The following NFX1 variants were observed in gnomAD, a reference collection of about 807,000 sequenced individuals.
NFX1 encodes nuclear transcription factor, X-box binding 1, also known as transcriptional repressor NF-X1.
In NFX1, 69 loss-of-function variants were observed where a neutral mutation model predicts 137.2. The observed-to-expected ratio is 0.50, with a 90% CI of 0.41 to 0.61. NFX1 has a LOEUF of 0.61. NFX1 is among the 20% of genes least tolerant of loss of function. The pLI is 0.00. For synonymous variants in NFX1, 495 were observed against 474.1 expected, an observed-to-expected ratio of 1.04 and a Z score of -0.57; for missense variants, 1,167 against 1,391.0, an observed-to-expected ratio of 0.84 and a Z score of 2.56.
intron 10 of NFX1, among the ~76,000 whole-genome samples, chr9:33,329,820 G>A (rs529352865): frequency 7.2e-5 from 11 of 151,962 alleles, no homozygotes; most frequent in Non-Finnish European, 1.2e-4. Context: ...CATCACACCC[G>A]GCTAATTTTT....
intron 19 of NFX1, among the ~76,000 whole-genome samples, chr9:33,359,408 G>A (rs1365153583): frequency 6.6e-6 from 1 of 152,044 alleles, no homozygotes; most frequent in African/African-American, 2.4e-5. Flanking sequence ...AGACCAGCCT[G>A]GTCAACATGG....
At chr9:33,361,292 C>G (rs886078745) in intron 19 of NFX1, among the ~76,000 whole-genome samples, 4 of 151,668 alleles carry the variant, frequency 2.6e-5, no homozygotes, top group African/African-American at 7.3e-5. Flanking sequence ...GGCAAAGAAA[C>G]AAGGTTTTTT....
intron 19 of NFX1, 120 bp from the exon 20 acceptor site, chr9:33,363,890 G>A: frequency 1.8e-6 from 1 of 554,358 alleles, no homozygotes; most frequent in Non-Finnish European, 3.0e-6. Context: ...TAATAATCCA[G>A]TTTACCAAAA....
At chr9:33,317,431 A>G (rs1456996976) in intron 7 of NFX1, among the ~76,000 whole-genome samples, 2 of 150,080 alleles carry the variant, frequency 1.3e-5, no homozygotes, top group Non-Finnish European at 3.0e-5. Flanking sequence ...AAAAAAAAAA[A>G]AAAAGAAAGA....
intron 9 of NFX1, among the ~76,000 whole-genome samples, chr9:33,324,102 G>C (rs1036879113): frequency 6.6e-6 from 1 of 152,120 alleles, no homozygotes; most frequent in Non-Finnish European, 1.5e-5. Context: ...ACTTAGGCCA[G>C]GCACAGTGGC....
intron 19 of NFX1, among the ~76,000 whole-genome samples, chr9:33,359,043 C>T (rs959987653): frequency 5.9e-5 from 9 of 152,012 alleles, no homozygotes; most frequent in African/African-American, 2.2e-4. Context: ...TTTAGAAATA[C>T]AATTGATAAT....
chr9:33,362,821 A>G (rs547920389), intron 19 of NFX1, among the ~76,000 whole-genome samples: 11 of 144,914 alleles, frequency 7.6e-5, no homozygotes, highest in Admixed American at 5.2e-4. Context: ...CTCCTGCCCC[A>G]GCCTCCTGAG....
chr9:33,335,368 T>C (rs1187636178), intron 11 of NFX1, among the ~76,000 whole-genome samples: 1 of 151,700 alleles, frequency 6.6e-6, no homozygotes, highest in Non-Finnish European at 1.5e-5. Flanking sequence ...GTAGCTGGAA[T>C]TACAGGCACC....
At chr9:33,369,862 C>T (rs1419654526) in intron 23 of NFX1, 44 bp from the exon 24 acceptor site, 3 of 1,412,358 alleles carry the variant, frequency 2.1e-6, no homozygotes, top group East Asian at 4.6e-5. Flanking sequence ...GTATCTGTTT[C>T]CCCCAAAGAA....
intron 12 of NFX1, 21 bp downstream of exon 12, chr9:33,338,610 T>A: frequency 1.3e-6 from 2 of 1,563,780 alleles, no homozygotes; most frequent in Non-Finnish European, 8.6e-7. Context: ...TTATTAGGCA[T>A]AATCAGATTC....
At chr9:33,362,867 C>A (rs998936129) in intron 19 of NFX1, among the ~76,000 whole-genome samples, 2 of 151,920 alleles carry the variant, frequency 1.3e-5, no homozygotes, top group Admixed American at 6.6e-5. Context: ...CCACACCTGA[C>A]TAATTTTTGT....
At chr9:33,331,106 C>T (rs1043489414) in intron 10 of NFX1, among the ~76,000 whole-genome samples, 4 of 151,912 alleles carry the variant, frequency 2.6e-5, no homozygotes, top group African/African-American at 9.7e-5. Context: ...GTGGAGCTTG[C>T]AGTGAACCGA....
In NFX1 at chr9:33,370,113, A is replaced by G; in HGVS notation, c.*135A>G. The G allele has an allele frequency of 1.6e-6, 1 of 641,146 alleles. No individual in the cohort carries two copies. The highest frequency in any genetic ancestry group is 2.7e-6 in the Non-Finnish European group (1 of 368,946). The allele number at this position is 641,146 out of a possible 1,614,324, so 39.7% of individuals were successfully genotyped here. A position where few individuals can be genotyped will look rare whatever the true frequency, so the allele number is the denominator to read the frequency against. ...ATACTGTCTTGTACTGACACATCCA[A>G]AGCATGAGTGTGTCAGAAATCCCTT... On this transcript the variant is annotated 3_prime_UTR_variant, in exon 24 of 24. Coordinates refer to ENST00000379540, the MANE Select transcript of NFX1 (RefSeq NM_002504.6).
At chr9:33,320,893 C>A (rs1313009404) in intron 9 of NFX1, among the ~76,000 whole-genome samples, 1 of 152,110 alleles carries the variant, frequency 6.6e-6, no homozygotes, top group African/African-American at 2.4e-5. Context: ...AGTGGGAACA[C>A]CCTACTTAAT....
In NFX1 at chr9:33,311,139, T is replaced by G. The variant is rs1345806804; in HGVS notation, c.1410T>G (p.Pro470=). ...ATCCAGGACCCTGCCCACCCTGCCC[T>G]GCCTTTATGACAAAAACATGTGAAT... The part of the protein sequence containing the change: ...LCHPGPCPPC[P]AFMTKTCECG... Residue 470 remains proline (P), a synonymous_variant, in exon 6 of 24, where the codon CCT becomes CCG. Transcript: ENST00000379540. The G allele has an allele frequency of 2.5e-6, 4 of 1,609,748 alleles. No homozygotes were observed. In the South Asian group the frequency reaches 4.4e-5, roughly 18 times the overall value.
intron 19 of NFX1, among the ~76,000 whole-genome samples, chr9:33,358,237 G>A (rs1823876654): frequency 6.6e-6 from 1 of 151,622 alleles, no homozygotes; most frequent in Non-Finnish European, 1.5e-5. Context: ...CCATTCTCCT[G>A]CCTCAGCGTC....
intron 13 of NFX1, among the ~76,000 whole-genome samples, chr9:33,343,362 T>A (rs1295385174): frequency 6.6e-6 from 1 of 152,166 alleles, no homozygotes; most frequent in East Asian, 1.9e-4. Flanking sequence ...AAAATTTTTT[T>A]AAATAACTTT....
intron 9 of NFX1, among the ~76,000 whole-genome samples, chr9:33,322,964 A>G (rs773558836): frequency 2.6e-5 from 4 of 152,234 alleles, no homozygotes; most frequent in East Asian, 1.9e-4. Context: ...AGCAAAGACT[A>G]TTCCTTCCCA....
At chr9:33,329,941 GCACCAC>G (rs1223582685) in intron 10 of NFX1, among the ~76,000 whole-genome samples, 3 of 152,022 alleles carry the variant, frequency 2.0e-5, no homozygotes, top group African/African-American at 7.2e-5. Flanking sequence ...TTACAGGTGT[GCACCAC>G]CACTCCTGGC....
Sources: gnomAD v4.1 joint callset for allele counts (sites outside exome capture counted in the v4.1 genomes callset) on GRCh38, gnomAD v4.1.1 for gene constraint, MANE v1.5 for transcripts, NCBI Gene and HGNC (gene_info 2026-07-23, HGNC 2026-07-21) for gene names.